Variants in BTBD10 observed in about 807,000 individuals in gnomAD.
The protein encoded by BTBD10 is BTB/POZ domain-containing protein 10.
In BTBD10, 21 loss-of-function variants were observed where a neutral mutation model predicts 53.2. The ratio of observed to expected loss-of-function variants is 0.39; its 90% CI spans 0.28 to 0.57. The LOEUF (loss-of-function observed/expected upper bound fraction) is 0.57, where lower values mean the gene tolerates loss of function less well. Among genes scored for constraint, BTBD10 ranks in the 20% least tolerant of loss-of-function variants. The probability of loss-of-function intolerance (pLI) is 0.53; values close to 1 mark genes in which losing one functional copy is unlikely to be tolerated. For missense variants in BTBD10, 360 were observed against 594.7 expected, an observed-to-expected ratio of 0.61 and a Z score of 4.10; for synonymous variants, 149 against 192.7, an observed-to-expected ratio of 0.77 and a Z score of 1.88.
chr11:13,418,166 T>A (rs1950161068), intron 4 of BTBD10, among the ~76,000 whole-genome samples: 1 of 136,504 alleles, frequency 7.3e-6, no homozygotes, highest in Non-Finnish European at 1.7e-5. Context: ...ACAACAAAGC[T>A]TTTTCTTTCA....
intron 7 of BTBD10, among the ~76,000 whole-genome samples, chr11:13,403,990 T>G (rs904863214): frequency 6.6e-6 from 1 of 152,248 alleles, no homozygotes; most frequent in South Asian, 2.1e-4. Flanking sequence ...CTCTTTCGGG[T>G]TGAGTTATCT....
intron 6 of BTBD10, among the ~76,000 whole-genome samples, chr11:13,408,232 T>G (rs1039484742): frequency 2.0e-5 from 3 of 152,182 alleles, no homozygotes; most frequent in African/African-American, 7.2e-5. Context: ...CCTGGTTCTG[T>G]TCATCATTAA....
chr11:13,458,136 A>C (rs1951010944), intron 1 of BTBD10, among the ~76,000 whole-genome samples: 1 of 56,548 alleles, frequency 1.8e-5, no homozygotes, highest in African/African-American at 1.4e-4. Flanking sequence ...ACTCCATCTC[A>C]AAAAAAAAAA....
chr11:13,391,341 T>A (rs1358782820), intron 8 of BTBD10, among the ~76,000 whole-genome samples: 1 of 152,206 alleles, frequency 6.6e-6, no homozygotes, highest in South Asian at 2.1e-4. Context: ...CACCTTCTTT[T>A]ATCCCTGGCA....
At chr11:13,446,948 A>T (rs1032234085) in intron 1 of BTBD10, among the ~76,000 whole-genome samples, 2 of 152,190 alleles carry the variant, frequency 1.3e-5, no homozygotes, top group African/African-American at 4.8e-5. Flanking sequence ...GGAGAAAGAA[A>T]AAAAGTAGTC....
intron 2 of BTBD10, among the ~76,000 whole-genome samples, chr11:13,433,050 TA>T (rs1358985800): frequency 6.6e-6 from 1 of 152,162 alleles, no homozygotes; most frequent in Non-Finnish European, 1.5e-5. Context: ...TATGTCTCCA[TA>T]AAAGGCTATA....
chr11:13,395,458 G>C (rs1288943163), intron 8 of BTBD10, among the ~76,000 whole-genome samples: 16 of 152,068 alleles, frequency 1.1e-4, no homozygotes, highest in Non-Finnish European at 2.2e-4. Flanking sequence ...CAGATGAGTA[G>C]GTTGCAAAAA....
chr11:13,429,588 T>C (rs1397665978), intron 2 of BTBD10, among the ~76,000 whole-genome samples: 5 of 150,586 alleles, frequency 3.3e-5, no homozygotes, highest in East Asian at 3.9e-4. Context: ...GAATATACAA[T>C]AGGTATTTCA....
chr11:13,404,646 G>A, intron 7 of BTBD10: 1 of 982,438 alleles, frequency 1.0e-6, no homozygotes, highest in African/African-American at 1.7e-5. Context: ...TGTCAGCAAA[G>A]AGCCTAGAAC....
intron 2 of BTBD10, among the ~76,000 whole-genome samples, chr11:13,424,973 A>G (rs1950309467): frequency 6.6e-6 from 1 of 152,210 alleles, no homozygotes; most frequent in Non-Finnish European, 1.5e-5. Context: ...AGAGATGGCT[A>G]GAGTTCTAAG....
chr11:13,393,721 G>A (rs1949464722), intron 8 of BTBD10, among the ~76,000 whole-genome samples: 2 of 151,904 alleles, frequency 1.3e-5, no homozygotes, highest in Admixed American at 6.6e-5. Context: ...GTAGTACACA[G>A]GCAACTAATA....
At chr11:13,461,057 G>T (rs555901384) in intron 1 of BTBD10, among the ~76,000 whole-genome samples, 21 of 152,056 alleles carry the variant, frequency 1.4e-4, no homozygotes, top group Non-Finnish European at 1.5e-4. Context: ...ATACTTAAAG[G>T]CTATTAAACT....
At chr11:13,446,052 C>A (rs535196233) in intron 1 of BTBD10, among the ~76,000 whole-genome samples, 1 of 152,230 alleles carries the variant, frequency 6.6e-6, no homozygotes, top group East Asian at 1.9e-4. Flanking sequence ...AGAATAAAAT[C>A]TTGATCTCGA....
chr11:13,459,703 C>T (rs1199733911), intron 1 of BTBD10: 1 of 152,346 alleles, frequency 6.6e-6, no homozygotes, highest in East Asian at 1.9e-4. Context: ...CCTTCTCCCT[C>T]ATAGTATTAG....
In BTBD10 at chr11:13,429,236, T is replaced by C. The variant is rs537503792; in HGVS notation, c.102-7398A>G. The stretch of plus-strand genomic sequence containing the variant: ...TTTCTCCCTAAGTTCATCTACTAGA[T>C]ACAACATAATCCCAATGGAAAACCA... On this transcript the variant is annotated intron_variant, in intron 2 of 8. Coordinates refer to ENST00000278174, the MANE Select transcript of BTBD10 (RefSeq NM_032320.7). Among the ~76,000 whole-genome samples the C allele has an allele frequency of 1.2e-4, 19 of 152,286 alleles. No individual in the cohort carries two copies. The South Asian group carries it at 3.7e-3, about 30-fold the overall frequency.
At chr11:13,440,012 T>C (rs758433247) in intron 2 of BTBD10, 148 of 1,534,044 alleles carry the variant, frequency 9.6e-5, no homozygotes, top group Non-Finnish European at 1.3e-4. Context: ...TGGGCATTAC[T>C]AGGAAACTTT....
At chr11:13,429,008 C>T (rs1285522410) in intron 2 of BTBD10, among the ~76,000 whole-genome samples, 1 of 152,054 alleles carries the variant, frequency 6.6e-6, no homozygotes, top group Non-Finnish European at 1.5e-5. Flanking sequence ...AAAAACACTA[C>T]TTACAAATAA....
At chr11:13,426,243 T>A (rs1161619429) in intron 2 of BTBD10, among the ~76,000 whole-genome samples, 1 of 151,856 alleles carries the variant, frequency 6.6e-6, no homozygotes, top group African/African-American at 2.4e-5. Flanking sequence ...AGTAAAAACA[T>A]CTTTCAAAAA....
chr11:13,402,894 T>C (rs536847716), intron 8 of BTBD10, among the ~76,000 whole-genome samples: 4 of 152,292 alleles, frequency 2.6e-5, no homozygotes, highest in African/African-American at 9.6e-5. Flanking sequence ...ATGGGCTTTG[T>C]CAAAAATGAA....
Sources: gnomAD v4.1 joint callset for allele counts (sites outside exome capture counted in the v4.1 genomes callset) on GRCh38, gnomAD v4.1.1 for gene constraint, MANE v1.5 for transcripts, NCBI Gene and HGNC (gene_info 2026-07-23, HGNC 2026-07-21) for gene names.